The following ATRN variants were observed in gnomAD, a reference collection of about 807,000 sequenced individuals.
ATRN encodes attractin-2.
Under a neutral mutation model 178.7 loss-of-function variants are expected in ATRN, and 54 were observed. That is an observed-to-expected ratio of 0.30 (90% CI 0.24 to 0.38). The LOEUF is 0.38. ATRN is among the 10% of genes least tolerant of loss of function. The pLI is 1.00. For missense variants in ATRN, 1,443 were observed against 1,815.1 expected (o/e 0.79, Z 3.73); for synonymous variants, 636 against 663.0 (o/e 0.96, Z 0.63).
At chr20:3,496,596 G>A (rs2084882995) in intron 1 of ATRN, among the ~76,000 whole-genome samples, 1 of 152,124 alleles carries the variant, frequency 6.6e-6, no homozygotes, top group Admixed American at 6.6e-5. Context: ...TTTGGAATAG[G>A]TGTGGTGTGG....
At chr20:3,487,887 T>C (rs1383848357) in intron 1 of ATRN, among the ~76,000 whole-genome samples, 1 of 152,186 alleles carries the variant, frequency 6.6e-6, no homozygotes, top group Non-Finnish European at 1.5e-5. Context: ...GCCTAAGAGC[T>C]GGGTTTGGTT....
intron 27 of ATRN, among the ~76,000 whole-genome samples, chr20:3,643,352 C>CT (rs1322621788): frequency 6.6e-6 from 1 of 152,092 alleles, no homozygotes; most frequent in African/African-American, 2.4e-5. Context: ...TTTTAAGCAA[C>CT]TAAGTTTGCA....
chr20:3,501,648 G>A (rs973271175), intron 1 of ATRN, among the ~76,000 whole-genome samples: 2 of 152,188 alleles, frequency 1.3e-5, no homozygotes, highest in Non-Finnish European at 2.9e-5. Context: ...AGTGAGCAAG[G>A]CAAAGAAAGG....
chr20:3,551,685 ATCT>A (rs2085789153), intron 6 of ATRN, among the ~76,000 whole-genome samples: 1 of 151,762 alleles, frequency 6.6e-6, no homozygotes, highest in South Asian at 2.1e-4. Flanking sequence ...TAACTCTAAT[ATCT>A]TCTTTTCATT....
At chr20:3,531,714 G>C (rs1297980775) in intron 1 of ATRN, among the ~76,000 whole-genome samples, 1 of 152,106 alleles carries the variant, frequency 6.6e-6, no homozygotes, top group Non-Finnish European at 1.5e-5. Context: ...TGAGTATGAA[G>C]AAAAGTATTT....
At chr20:3,490,320 T>C (rs1340504469) in intron 1 of ATRN, 1 of 1,021,630 alleles carries the variant, frequency 9.8e-7, no homozygotes, top group African/African-American at 1.6e-5. Flanking sequence ...AGAGCGCTGC[T>C]TGTCTCTTTC....
intron 25 of ATRN, chr20:3,629,104 C>T (rs1600168934): frequency 1.0e-6 from 1 of 985,366 alleles, no homozygotes; most frequent in Non-Finnish European, 1.2e-6. Flanking sequence ...GGCCCCAGAG[C>T]TGTGGCCGTC....
intron 1 of ATRN, among the ~76,000 whole-genome samples, chr20:3,513,287 A>G (rs968118069): frequency 3.3e-5 from 5 of 152,192 alleles, no homozygotes; most frequent in African/African-American, 1.2e-4. Flanking sequence ...ATTTTTGTAT[A>G]AAGTGTAAGG....
rs1476095625 is a variant in ATRN, at chr20:3,584,974, GCCCTCAGCCCCTTT to G, written c.3184+97_3184+110del. 4.2e-6 allele frequency: 5 copies of G among 1,178,164 alleles called. No individual in the cohort carries two copies. In the East Asian group the frequency reaches 1.2e-4, roughly 28 times the overall value. The allele number at this position is 1,178,164 out of a possible 1,614,324, so 73.0% of individuals were successfully genotyped here. On this transcript the variant is annotated intron_variant, in intron 18 of 28. Transcript: ENST00000262919. ...CTACGTTGTGTATATGTAACTCCCTGCCCTCAGCCCCTTTCCTTCCTCCTAATGGTTGGTACAAG... is the reference window on the plus strand; with the variant it reads ...CTACGTTGTGTATATGTAACTCCCTGCCTTCCTCCTAATGGTTGGTACAAG...
chr20:3,580,512 A>G (rs1007025437), intron 15 of ATRN, among the ~76,000 whole-genome samples: 1 of 152,196 alleles, frequency 6.6e-6, no homozygotes, highest in East Asian at 1.9e-4. Context: ...TTTTATGGAA[A>G]AACAAGAAAG....
chr20:3,538,539 C>G lies in ATRN; in HGVS notation c.495-1683C>G, dbSNP rs192076977. On this transcript the variant is annotated intron_variant, in intron 2 of 28. Transcript: ENST00000262919. ...TATCAGTTCATTGCCACCTGACACC[C>G]TCCTCCACTGTTTTTCTGAATGTGC... Among the ~76,000 whole-genome samples, 7 of 152,250 alleles carry G rather than the reference C, an allele frequency of 4.6e-5. No homozygotes were observed. The East Asian group carries it at 1.2e-3, about 25-fold the overall frequency.
chr20:3,545,985 C>T, intron 4 of ATRN, 95 bp downstream of exon 4: 1 of 1,349,276 alleles, frequency 7.4e-7, no homozygotes, highest in Non-Finnish European at 1.0e-6. Context: ...GAGAGCCAGG[C>T]ATAGCGTCAG....
intron 11 of ATRN, among the ~76,000 whole-genome samples, chr20:3,567,300 G>A (rs1037515961): frequency 1.3e-5 from 2 of 152,178 alleles, no homozygotes; most frequent in African/African-American, 4.8e-5. Flanking sequence ...TCCTAGCACA[G>A]GATTTGGCAC....
chr20:3,497,290 C>T (rs1300711387), intron 1 of ATRN, among the ~76,000 whole-genome samples: 6 of 151,064 alleles, frequency 4.0e-5, no homozygotes, highest in South Asian at 2.1e-4. Flanking sequence ...GATTTTGCAG[C>T]GGCTGGTACC....
intron 22 of ATRN, among the ~76,000 whole-genome samples, chr20:3,600,586 C>T (rs1449356634): frequency 1.3e-5 from 2 of 152,056 alleles, no homozygotes; most frequent in African/African-American, 2.4e-5. Flanking sequence ...GAACTTCAGA[C>T]ATTTGAAAAC....
intron 19 of ATRN, 69 bp downstream of exon 19, chr20:3,591,375 A>C (rs2146271959): frequency 1.3e-6 from 2 of 1,523,696 alleles, no homozygotes; most frequent in South Asian, 1.3e-5. Context: ...TTTGACTTGA[A>C]TATCTAGGAG....
chr20:3,623,218 C>T (rs1163046706), intron 24 of ATRN, among the ~76,000 whole-genome samples: 4 of 152,178 alleles, frequency 2.6e-5, no homozygotes, highest in Non-Finnish European at 1.5e-5. Context: ...GACCATGGCT[C>T]ATATTCCGCA....
intron 3 of ATRN, among the ~76,000 whole-genome samples, chr20:3,541,917 G>A (rs1302214412): frequency 2.6e-5 from 4 of 152,202 alleles, no homozygotes; most frequent in African/African-American, 4.8e-5. Flanking sequence ...TGTCCCATGT[G>A]GATGAGGGAG....
At chr20:3,503,084 C>T (rs922062998) in intron 1 of ATRN, among the ~76,000 whole-genome samples, 5 of 151,868 alleles carry the variant, frequency 3.3e-5, no homozygotes, top group Non-Finnish European at 5.9e-5. Flanking sequence ...ACTTCTTTAC[C>T]CTCTCAGGCA....
Sources: gnomAD v4.1 joint callset for allele counts (sites outside exome capture counted in the v4.1 genomes callset) on GRCh38, gnomAD v4.1.1 for gene constraint, MANE v1.5 for transcripts, NCBI Gene and HGNC (gene_info 2026-07-23, HGNC 2026-07-21) for gene names.